The following FHIT variants were observed in gnomAD, a reference collection of about 807,000 sequenced individuals.
The protein encoded by FHIT is fragile histidine triad diadenosine triphosphatase.
In FHIT, 19 loss-of-function variants were observed where a neutral mutation model predicts 17.9. That is an observed-to-expected ratio of 1.06 (90% CI 0.74 to 1.56). The LOEUF is 1.56. Ranked by LOEUF, FHIT falls within the 40% of genes most tolerant of loss-of-function variation. The probability of loss-of-function intolerance (pLI) is 0.00; values close to 1 mark genes in which losing one functional copy is unlikely to be tolerated. For missense variants in FHIT, 248 were observed against 189.2 expected (o/e 1.31, Z -1.82); for synonymous variants, 81 against 69.7 (o/e 1.16, Z -0.81).
chr3:60,250,171 C>T (rs1160156375), intron 5 of FHIT, among the ~76,000 whole-genome samples: 1 of 151,952 alleles, frequency 6.6e-6, no homozygotes, highest in Non-Finnish European at 1.5e-5. Flanking sequence ...GGAAGAGAGG[C>T]CATACATGCA....
At chr3:60,559,220 G>C (rs1168124387) in intron 4 of FHIT, among the ~76,000 whole-genome samples, 1 of 152,078 alleles carries the variant, frequency 6.6e-6, no homozygotes, top group Non-Finnish European at 1.5e-5. Context: ...ACTGTATGGG[G>C]AATTAATATA....
At chr3:59,929,144 A>G (rs776138124) in intron 7 of FHIT, among the ~76,000 whole-genome samples, 21 of 152,020 alleles carry the variant, frequency 1.4e-4, no homozygotes, top group Non-Finnish European at 2.8e-4. Flanking sequence ...AAGGTTAACA[A>G]TAATGTTACC....
intron 8 of FHIT, among the ~76,000 whole-genome samples, chr3:59,762,646 T>C (rs914366557): frequency 4.6e-5 from 7 of 152,160 alleles, no homozygotes; most frequent in African/African-American, 1.7e-4. Flanking sequence ...GTTGAAAACA[T>C]GGGTGGTAAA....
rs114367288 is a variant in FHIT at position 61,183,891 on chromosome 3, C to T, written c.-164+16726G>A. Reference sequence around the variant, plus strand: ...TTAATGGGCAAAGCATCATGGGCAACTGTTGTTCATAAATGCTCCTTCTCA... The same window carrying T: ...TTAATGGGCAAAGCATCATGGGCAATTGTTGTTCATAAATGCTCCTTCTCA... On this transcript the variant is annotated intron_variant, in intron 2 of 9. Coordinates refer to ENST00000492590, the MANE Select transcript of FHIT (RefSeq NM_002012.4). Among the ~76,000 whole-genome samples, 1,486 of 152,076 alleles carry T rather than the reference C, an allele frequency of 9.8e-3. 32 individuals are homozygous for T. Among genetic ancestry groups the T allele is most frequent in the African/African-American group, 0.032 (1,316 of 41,466 alleles).
At chr3:60,395,524 C>T (rs903486205) in intron 5 of FHIT, among the ~76,000 whole-genome samples, 3 of 151,996 alleles carry the variant, frequency 2.0e-5, no homozygotes, top group African/African-American at 7.2e-5. Context: ...TCTAAGAAGT[C>T]GAGAGACAAA....
At chr3:60,310,150 T>C (rs1171633651) in intron 5 of FHIT, among the ~76,000 whole-genome samples, 1 of 152,092 alleles carries the variant, frequency 6.6e-6, no homozygotes, top group African/African-American at 2.4e-5. Context: ...AAGTCAAAGC[T>C]GAAAGAAAAA....
chr3:61,226,192 C>A (rs2039966488), intron 1 of FHIT, among the ~76,000 whole-genome samples: 1 of 152,214 alleles, frequency 6.6e-6, no homozygotes, highest in Admixed American at 6.5e-5. Flanking sequence ...TCTCATCAGG[C>A]GCTGAGGGGT....
chr3:61,127,012 C>A (rs2036626174), intron 2 of FHIT, among the ~76,000 whole-genome samples: 2 of 152,182 alleles, frequency 1.3e-5, no homozygotes, highest in African/African-American at 4.8e-5. Context: ...CAGAGAACCA[C>A]AAGCGCGGTG....
chr3:60,309,964 A>C (rs1708866572), intron 5 of FHIT, among the ~76,000 whole-genome samples: 2 of 152,122 alleles, frequency 1.3e-5, no homozygotes, highest in Admixed American at 6.6e-5. Context: ...GTCTCATTTC[A>C]TAAGACTGTA....
At chr3:60,550,388 T>C (rs544707779) in intron 4 of FHIT, among the ~76,000 whole-genome samples, 6 of 152,172 alleles carry the variant, frequency 3.9e-5, no homozygotes, top group Non-Finnish European at 7.4e-5. Flanking sequence ...TGTCCCAGAA[T>C]TTAAGCAAAC....
At chr3:59,816,131 G>A (rs192986942) in intron 8 of FHIT, among the ~76,000 whole-genome samples, 59 of 152,312 alleles carry the variant, frequency 3.9e-4, no homozygotes, top group Non-Finnish European at 6.9e-4. Flanking sequence ...CACAGAGAGT[G>A]ACAGCCAAGA....
chr3:60,644,338 A>G (rs1553686158), intron 4 of FHIT, among the ~76,000 whole-genome samples: 1 of 152,202 alleles, frequency 6.6e-6, no homozygotes, highest in Non-Finnish European at 1.5e-5. Context: ...TAATACAAGC[A>G]TGTTGAAAAA....
At chr3:60,535,763 A>G (rs1208983258) in intron 5 of FHIT, 11 of 151,934 alleles carry the variant, frequency 7.2e-5, no homozygotes, top group Non-Finnish European at 1.5e-5. Context: ...TTGGGAGTCT[A>G]TAATACAATC....
At chr3:60,264,182 C>T (rs922790372) in intron 5 of FHIT, among the ~76,000 whole-genome samples, 1 of 151,910 alleles carries the variant, frequency 6.6e-6, no homozygotes, top group African/African-American at 2.4e-5. Flanking sequence ...TCACTTAAAT[C>T]CTAGAAGAAA....
chr3:59,935,197 T>C (rs554433944), intron 7 of FHIT, among the ~76,000 whole-genome samples: 6 of 152,146 alleles, frequency 3.9e-5, no homozygotes, highest in African/African-American at 1.4e-4. Context: ...AATGTCTCCA[T>C]CTGAAAACGT....
At chr3:61,239,543 T>C (rs2040316415) in intron 1 of FHIT, among the ~76,000 whole-genome samples, 2 of 152,080 alleles carry the variant, frequency 1.3e-5, no homozygotes, top group Non-Finnish European at 2.9e-5. Context: ...TACTCATCCC[T>C]CTTTCTATCA....
At chr3:60,741,961 T>C (rs1200932006) in intron 4 of FHIT, among the ~76,000 whole-genome samples, 4 of 152,308 alleles carry the variant, frequency 2.6e-5, no homozygotes, top group Middle Eastern at 3.4e-3. Context: ...AGACAGCAGG[T>C]CAGAAGGTTG....
chr3:59,945,096 C>T (rs1706734090), intron 7 of FHIT, among the ~76,000 whole-genome samples: 5 of 152,138 alleles, frequency 3.3e-5, no homozygotes, highest in Admixed American at 3.3e-4. Context: ...GAGAAATTGC[C>T]AAACAACCTT....
At chr3:59,918,118 T>A (rs983573652) in intron 8 of FHIT, among the ~76,000 whole-genome samples, 34 of 152,238 alleles carry the variant, frequency 2.2e-4, no homozygotes, top group Non-Finnish European at 1.0e-4. Context: ...AGTGTGGCTA[T>A]GAGTTAGTGA....
Sources: gnomAD v4.1 joint callset for allele counts (sites outside exome capture counted in the v4.1 genomes callset) on GRCh38, gnomAD v4.1.1 for gene constraint, MANE v1.5 for transcripts, NCBI Gene and HGNC (gene_info 2026-07-23, HGNC 2026-07-21) for gene names.